Variants in VAV2 observed in about 807,000 individuals in gnomAD.
VAV2 encodes the protein guanine nucleotide exchange factor VAV2.
VAV2 carries 67 observed loss-of-function variants against 132.5 expected under a neutral mutation model. That is an observed-to-expected ratio of 0.51 (90% CI 0.42 to 0.62). The LOEUF is 0.62. VAV2 is among the 20% of genes least tolerant of loss of function. The pLI, the probability that VAV2 is intolerant of heterozygous loss-of-function variation, is 0.00. For missense variants in VAV2, 938 were observed against 1,153.6 expected (o/e 0.81, Z 2.71); for synonymous variants, 492 against 443.5 (o/e 1.11, Z -1.37).
intron 9 of VAV2, 43 bp from the exon 10 acceptor site, chr9:133,797,852 G>A: frequency 6.3e-7 from 1 of 1,589,304 alleles, no homozygotes; most frequent in Non-Finnish European, 8.6e-7. Context: ...CAGATTTAAT[G>A]AGCAGCTCGG....
At chr9:133,924,144 A>T (rs941953558) in intron 2 of VAV2, among the ~76,000 whole-genome samples, 5 of 152,256 alleles carry the variant, frequency 3.3e-5, no homozygotes, top group East Asian at 1.9e-4. Flanking sequence ...TATAATTTTT[A>T]AAAAAAGAAT....
At chr9:133,819,374 A>T (rs1374213943) in intron 4 of VAV2, among the ~76,000 whole-genome samples, 1 of 151,570 alleles carries the variant, frequency 6.6e-6, no homozygotes, top group Non-Finnish European at 1.5e-5. Flanking sequence ...GCGTGAACCC[A>T]GGAGGTGGAG....
At position 133,918,650 on chromosome 9, in the gene VAV2, G is replaced by A. The variant is rs1293421863; in HGVS notation, c.321+20453C>T. Among the ~76,000 whole-genome samples the A allele has an allele frequency of 3.9e-5, 6 of 152,036 alleles. No individual in the cohort carries two copies. Among genetic ancestry groups the A allele is most frequent in the Admixed American group, 2.6e-4 (4 of 15,254 alleles). On this transcript the variant is annotated intron_variant, in intron 2 of 29. Transcript: ENST00000371850. This position sits in a 1 kb window ranked among gnomAD's most constrained non-coding sequence, Gnocchi z 4.7. ...AGAGTCATGTAGCATGCCCGAGGTC[G>A]CGCCTTTAATAAACACACAGGCAGA... is the stretch of plus-strand genomic sequence containing the variant.
Position 133,796,352 on chromosome 9 carries a change from T to A in VAV2, c.1032+77A>T, listed in dbSNP as rs867726012. ...TAATCTGTCTGTGGGCTGCAACCTA[T>A]ACCCCCTGGAAGCTGCCAGCCCTCA... On this transcript the variant is annotated intron_variant, in intron 11 of 29. Transcript: ENST00000371850. The A allele has an allele frequency of 1.8e-5, 23 of 1,285,328 alleles. No individual in the cohort carries two copies. In the African/African-American group the frequency reaches 3.1e-4, roughly 17 times the overall value. The allele number at this position is 1,285,328 out of a possible 1,614,324, so 79.6% of individuals were successfully genotyped here.
intron 19 of VAV2, 69 bp downstream of exon 19, chr9:133,783,434 A>C: frequency 6.8e-7 from 1 of 1,462,204 alleles, no homozygotes; most frequent in Non-Finnish European, 9.4e-7. Context: ...GCCCGTACCC[A>C]GGTGGTAGGG....
At chr9:133,847,592 T>G (rs1222685191) in intron 3 of VAV2, among the ~76,000 whole-genome samples, 1 of 152,158 alleles carries the variant, frequency 6.6e-6, no homozygotes, top group East Asian at 1.9e-4. Context: ...AGATGAATAC[T>G]GGGCCCGGAA....
chr9:133,770,233 G>A (rs931057922), intron 27 of VAV2, 145 bp downstream of exon 27: 23 of 1,317,536 alleles, frequency 1.7e-5, no homozygotes, highest in Admixed American at 1.2e-4. Context: ...CAGCATCTGC[G>A]ATGGCTGGGG....
rs1470677558 is a variant in VAV2, at chr9:133,824,297, T to C, written c.449+9975A>G. ...TCTAGACCACAGGAGCGAGAAAGGC[T>C]GGACTGCCTACAGAGGATCCCCACC... On this transcript the variant is annotated intron_variant, in intron 4 of 29. Coordinates refer to ENST00000371850, the MANE Select transcript of VAV2 (RefSeq NM_001134398.2). This position sits in a 1 kb window ranked among gnomAD's most constrained non-coding sequence, Gnocchi z 5.2. Among the ~76,000 whole-genome samples the C allele has an allele frequency of 6.6e-6, 1 of 152,054 alleles. No individual in the cohort carries two copies. The highest frequency in any genetic ancestry group is 1.5e-5 in the Non-Finnish European group (1 of 68,012).
intron 2 of VAV2, among the ~76,000 whole-genome samples, chr9:133,925,215 ATTT>A (rs1467530547): frequency 6.6e-6 from 1 of 151,940 alleles, no homozygotes; most frequent in Non-Finnish European, 1.5e-5. Flanking sequence ...TATCACAATA[ATTT>A]TTTCTTCCCC....
intron 2 of VAV2, among the ~76,000 whole-genome samples, chr9:133,888,523 CA>C (rs1440326707): frequency 6.6e-6 from 1 of 152,196 alleles, no homozygotes; most frequent in Admixed American, 6.5e-5. Flanking sequence ...GGCCCTGGGT[CA>C]TGGGGCAGTT....
At position 133,792,630 on chromosome 9, in the gene VAV2, G is replaced by A. The variant is rs554590178; in HGVS notation, c.1102-761C>T. 1.1e-4 allele frequency among the ~76,000 whole-genome samples: 16 copies of A among 151,820 alleles called. No homozygotes were observed. The East Asian group carries it at 2.7e-3, about 26-fold the overall frequency. On this transcript the variant is annotated intron_variant, in intron 12 of 29. Transcript: ENST00000371850. ...CTGTGCAGGGTGTGTGTGTGTGAGCGTGTGTGTGCATGCACGCACATACAT... is the reference window on the plus strand; with the variant it reads ...CTGTGCAGGGTGTGTGTGTGTGAGCATGTGTGTGCATGCACGCACATACAT...
chr9:133,948,278 G>A (rs193085158), intron 1 of VAV2, among the ~76,000 whole-genome samples: 34 of 152,348 alleles, frequency 2.2e-4, no homozygotes, highest in African/African-American at 3.4e-4. Context: ...CCTCAGCTCC[G>A]CACGCACCAG....
intron 14 of VAV2, among the ~76,000 whole-genome samples, 172 bp downstream of exon 14, chr9:133,789,086 C>G (rs1395000830): frequency 1.3e-5 from 2 of 152,242 alleles, no homozygotes; most frequent in Admixed American, 6.5e-5. Flanking sequence ...GTGGCGCCCG[C>G]TCGCTGACGA....
At chr9:133,985,784 G>A (rs12001501) in intron 1 of VAV2, among the ~76,000 whole-genome samples, 10,692 of 152,236 alleles carry the variant, frequency 0.07, 482 homozygotes, top group African/African-American at 0.11. Flanking sequence ...CGAATCAAAA[G>A]ACACAGGGAA....
chr9:133,965,736 C>T (rs1167311304), intron 1 of VAV2, among the ~76,000 whole-genome samples: 1 of 152,080 alleles, frequency 6.6e-6, no homozygotes, highest in Non-Finnish European at 1.5e-5. Flanking sequence ...AATGCAATTC[C>T]TATCAAAATA....
intron 3 of VAV2, among the ~76,000 whole-genome samples, chr9:133,848,941 G>A (rs1490984038): frequency 6.6e-6 from 1 of 152,218 alleles, no homozygotes; most frequent in Non-Finnish European, 1.5e-5. Flanking sequence ...CATTCTTAAT[G>A]ATCTCACGTC....
intron 2 of VAV2, among the ~76,000 whole-genome samples, chr9:133,866,209 C>T (rs1837794326): frequency 1.3e-5 from 2 of 152,230 alleles, no homozygotes; most frequent in Admixed American, 1.3e-4. Flanking sequence ...TCTTTGACAT[C>T]CCTCTTGGTT....
chr9:133,814,592 G>A (rs1835485232), intron 4 of VAV2, among the ~76,000 whole-genome samples: 1 of 152,244 alleles, frequency 6.6e-6, no homozygotes, highest in Non-Finnish European at 1.5e-5. Context: ...GTTAAATGCT[G>A]CAAGAGCTGA....
intron 9 of VAV2, among the ~76,000 whole-genome samples, chr9:133,803,592 T>A (rs1005523263): frequency 9.9e-5 from 15 of 152,170 alleles, no homozygotes; most frequent in African/African-American, 3.4e-4. Flanking sequence ...AGGGCAAGGC[T>A]AAGAGGAGCT....
Sources: allele counts gnomAD v4.1 joint callset (sites outside exome capture counted in the v4.1 genomes callset), GRCh38; gene constraint gnomAD v4.1.1; non-coding constraint Gnocchi (gnomAD v3.1); transcripts MANE v1.5; gene names NCBI Gene and HGNC (gene_info 2026-07-23, HGNC 2026-07-21).